The following MYH7B variants were observed in gnomAD, a reference collection of about 807,000 sequenced individuals.
MYH7B encodes the protein myosin heavy chain 7B, also known as myosin-7B.
In MYH7B, 205 loss-of-function variants were observed where a neutral mutation model predicts 234.5. The ratio of observed to expected loss-of-function variants is 0.87; its 90% CI spans 0.78 to 0.98. The LOEUF is 0.98. MYH7B is among the 50% of genes least tolerant of loss of function. The pLI, the probability that MYH7B is intolerant of heterozygous loss-of-function variation, is 0.00. For missense variants in MYH7B, 2,652 were observed against 2,633.4 expected (o/e 1.01, Z -0.15); for synonymous variants, 1,193 against 1,105.0 (o/e 1.08, Z -1.58).
chr20:35,001,370 G>C (rs777338675), intron 42 of MYH7B, 21 bp downstream of exon 42: 1 of 1,600,014 alleles, frequency 6.2e-7, no homozygotes, highest in South Asian at 1.1e-5. Flanking sequence ...GGGTCTCCCT[G>C]GGGAGTGGCC....
At chr20:34,989,855 A>T (rs773804897) in exon 20 of MYH7B, 1 of 1,614,200 alleles carries the variant, frequency 6.2e-7, no homozygotes, top group South Asian at 1.1e-5. Context: ...AATTTCCAGC[A>T]GCCTCGGCCT....
At chr20:34,974,757 C>G (rs2081830632) in intron 2 of MYH7B, among the ~76,000 whole-genome samples, 1 of 152,232 alleles carries the variant, frequency 6.6e-6, no homozygotes, top group Non-Finnish European at 1.5e-5. Context: ...TCTCCAGCCT[C>G]TGATGCCATA....
chr20:34,990,066 A>G lies in MYH7B; in HGVS notation c.1820A>G (p.Glu607Gly), dbSNP rs201527676. The stretch of plus-strand genomic sequence containing the variant: ...GAGAAAAACAAGGATCCCCTGAATG[A>G]GACCGTGGTCCCCATCTTCCAGAAG... The change falls in exon 21 of 45, where the codon GAG becomes GGG. Residue 607 changes from glutamate (E) to glycine (G), a missense_variant. Around this residue, in one of 3 missense-constraint regions of MYH7B, gnomAD observed 2,279 missense variants for 2,211.4 expected, o/e 1.03. Coordinates refer to ENST00000262873, the Ensembl canonical transcript of MYH7B. 5.3e-4 allele frequency: 861 copies of G among 1,614,174 alleles called. 1 individual carries two copies. The highest frequency in any genetic ancestry group is 6.9e-4 in the Non-Finnish European group (820 of 1,180,032).
At chr20:34,979,945 A>T in intron 7 of MYH7B, 141 bp downstream of exon 7, 1 of 725,170 alleles carries the variant, frequency 1.4e-6, no homozygotes, top group Non-Finnish European at 2.1e-6. Context: ...GAGCGGGTCC[A>T]TAGCGGGGGT....
intron 38 of MYH7B, 113 bp downstream of exon 38, chr20:35,000,019 G>C (rs1319944969): frequency 9.3e-7 from 1 of 1,076,012 alleles, no homozygotes; most frequent in East Asian, 2.6e-5. Context: ...CCGGGTTGCT[G>C]TCTCCATTCT....
At chr20:34,995,710 G>A (rs1427792551) in intron 28 of MYH7B, 132 bp downstream of exon 28, 2 of 1,389,208 alleles carry the variant, frequency 1.4e-6, no homozygotes, top group African/African-American at 2.9e-5. Flanking sequence ...GCCTTTCCTG[G>A]GCCTCAGTTT....
At chr20:34,984,055 C>A (rs2081979736) in intron 10 of MYH7B, among the ~76,000 whole-genome samples, 1 of 152,226 alleles carries the variant, frequency 6.6e-6, no homozygotes, top group African/African-American at 2.4e-5. Flanking sequence ...TGCTGGGCAC[C>A]TGCCCTGCCG....
At chr20:34,968,550 G>A (rs2081763722) in intron 2 of MYH7B, among the ~76,000 whole-genome samples, 2 of 152,168 alleles carry the variant, frequency 1.3e-5, no homozygotes, top group African/African-American at 2.4e-5. Flanking sequence ...CTCCCTGCTC[G>A]TGGTCTGTAC....
exon 7 of MYH7B, chr20:34,979,703 C>A: frequency 1.2e-6 from 2 of 1,614,202 alleles, no homozygotes; most frequent in Non-Finnish European, 8.5e-7. Context: ...CATGAACCCG[C>A]CTCGCTTCGA....
At chr20:34,995,337 A>G in exon 28 of MYH7B, 2 of 1,612,136 alleles carry the variant, frequency 1.2e-6, no homozygotes, top group South Asian at 2.2e-5. Context: ...GCCCTCCAGG[A>G]GCAGGACAAC....
Position 34,987,747 on chromosome 20 carries a change from G to C in MYH7B, c.1267-18G>C. 1 of 1,614,046 alleles carries C rather than the reference G, an allele frequency of 6.2e-7. No homozygotes were observed. The highest frequency in any genetic ancestry group is 8.5e-7 in the Non-Finnish European group (1 of 1,179,944). Reference sequence around the variant, plus strand: ...CCCCTCCTTGCCAGGTCCCAGCCCAGCCTCCCTGCACCTCCAGGTGGTGTT... The same window carrying C: ...CCCCTCCTTGCCAGGTCCCAGCCCACCCTCCCTGCACCTCCAGGTGGTGTT... On this transcript the variant is annotated intron_variant, in intron 17 of 44. Coordinates refer to ENST00000262873, the Ensembl canonical transcript of MYH7B.
exon 25 of MYH7B, chr20:34,993,144 C>T: frequency 1.2e-6 from 2 of 1,614,008 alleles, no homozygotes; most frequent in Non-Finnish European, 1.7e-6. Flanking sequence ...ATGACACCTT[C>T]ATGGACAGCA....
rs114338844 is a variant in MYH7B, at chr20:35,000,887, C to T, written c.5298C>T (p.Ile1766=). 1.4e-3 allele frequency: 2,267 copies of T among 1,612,358 alleles called. 31 individuals carry two copies. The African/African-American group carries it at 0.028, about 20-fold the overall frequency. Residue 1766 remains isoleucine, a synonymous_variant, in exon 40 of 45, where the codon ATC becomes ATT. Transcript: ENST00000262873. ...CTGAGGAGAAGGCCAAAAAGGCCAT[C>T]ACTGATGTGAGGCTGGGCAAGGGCT...
chr20:34,962,062 C>T (rs765145009), intron 2 of MYH7B, among the ~76,000 whole-genome samples: 15 of 151,948 alleles, frequency 9.9e-5, no homozygotes, highest in Non-Finnish European at 1.5e-4. Flanking sequence ...AGGCTCTCTA[C>T]AAAAAAATTT....
chr20:34,971,277 C>T (rs935659290), intron 2 of MYH7B, among the ~76,000 whole-genome samples: 1 of 152,144 alleles, frequency 6.6e-6, no homozygotes, highest in African/African-American at 2.4e-5. Flanking sequence ...CTTCATCCTC[C>T]AATGATGTCA....
chr20:34,999,092 G>A, exon 36 of MYH7B: 1 of 1,612,992 alleles, frequency 6.2e-7, no homozygotes, highest in Non-Finnish European at 8.5e-7. Flanking sequence ...AGGCAGAGGA[G>A]GGCGTGGAGG....
chr20:34,990,358 C>T lies in MYH7B; in HGVS notation c.1977+48C>T, dbSNP rs775337154. 5.0e-6 allele frequency: 8 copies of T among 1,604,194 alleles called. No homozygotes were observed. In the Admixed American group the frequency reaches 8.3e-5, roughly 17 times the overall value. ...GACCCTCCCTCTTGGCAGCCTCCAG[C>T]CCCGTCCTTCACCCCCTGCCCTGTC... On this transcript the variant is annotated intron_variant, in intron 22 of 44. Transcript: ENST00000262873.
chr20:34,970,040 C>G (rs1365129047), intron 2 of MYH7B, among the ~76,000 whole-genome samples: 7 of 152,210 alleles, frequency 4.6e-5, no homozygotes, highest in Non-Finnish European at 1.0e-4. Context: ...TCCAAGACTT[C>G]GTGCCTGGTA....
At chr20:34,968,597 T>A (rs1380663736) in intron 2 of MYH7B, among the ~76,000 whole-genome samples, 3 of 152,196 alleles carry the variant, frequency 2.0e-5, no homozygotes, top group African/African-American at 7.2e-5. Flanking sequence ...GCCTTGTCCA[T>A]GGCCCCTGCC....
Sources: gnomAD v4.1 joint callset for allele counts (sites outside exome capture counted in the v4.1 genomes callset) on GRCh38, gnomAD v4.1.1 for gene constraint, gnomAD v4.1.1 regional missense constraint, MANE v1.5 for transcripts, NCBI Gene and HGNC (gene_info 2026-07-23, HGNC 2026-07-21) for gene names.